Variants in CCSER1 observed in about 807,000 individuals in gnomAD.
The protein encoded by CCSER1 is serine-rich coiled-coil domain-containing protein 1.
A neutral mutation model predicts 82.0 loss-of-function variants in CCSER1; 41 were observed. The ratio of observed to expected loss-of-function variants is 0.50; its 90% confidence interval spans 0.39 to 0.65. The LOEUF (loss-of-function observed/expected upper bound fraction) is 0.65, where lower values mean the gene tolerates loss of function less well. CCSER1 is among the 30% of genes least tolerant of loss of function. The pLI is 0.00. For missense variants in CCSER1, 1,119 were observed against 1,064.2 expected, an observed-to-expected ratio of 1.05 and a Z score of -0.72; for synonymous variants, 414 against 383.9, an observed-to-expected ratio of 1.08 and a Z score of -0.92.
chr4:90,512,188 G>GCAATATAGGCTTTTCTTTCCCAAA (rs1195139812), intron 5 of CCSER1, among the ~76,000 whole-genome samples: 4 of 151,824 alleles, frequency 2.6e-5, no homozygotes, highest in Non-Finnish European at 4.4e-5. Context: ...GAATGGAGAT[G>GCAATATAGGCTTTTCTTTCCCAAA]CAATATAGGC....
At chr4:90,333,772 G>A (rs1208105016) in intron 3 of CCSER1, among the ~76,000 whole-genome samples, 2 of 152,160 alleles carry the variant, frequency 1.3e-5, no homozygotes, top group East Asian at 1.9e-4. Flanking sequence ...GGTTCAAAGA[G>A]CATTTGATTA....
At chr4:90,628,779 T>C (rs1424022968) in intron 6 of CCSER1, among the ~76,000 whole-genome samples, 1 of 152,088 alleles carries the variant, frequency 6.6e-6, no homozygotes. Flanking sequence ...GTCAGGAAAA[T>C]GCATAATGAG....
intron 10 of CCSER1, among the ~76,000 whole-genome samples, chr4:91,356,206 T>A (rs1421101112): frequency 4.6e-5 from 7 of 152,362 alleles, no homozygotes; most frequent in South Asian, 2.1e-4. Context: ...ACAGTCTGGG[T>A]TAAAACTCCA....
intron 10 of CCSER1, among the ~76,000 whole-genome samples, chr4:91,398,143 G>A (rs1288077844): frequency 6.6e-6 from 1 of 151,876 alleles, no homozygotes. Flanking sequence ...TCAGATGTAT[G>A]TCTATAAGTG....
At position 90,309,429 on chromosome 4, in the gene CCSER1, G is replaced by A. The variant is rs1008755442; in HGVS notation, c.1145G>A (p.Gly382Asp). Residue 382 changes from glycine (G) to aspartate (D), a missense_variant, in exon 2 of 11, where the codon GGT becomes GAT. Gly to Asp is a moderately conservative substitution (Grantham distance 94). Coordinates refer to ENST00000509176, the MANE Select transcript of CCSER1 (RefSeq NM_001145065.2). ...GAAGAAAATATAGGGTTACAAAATGGTGAAACAATGCTGGGGACAAACTCC... is the reference window on the plus strand; with the variant it reads ...GAAGAAAATATAGGGTTACAAAATGATGAAACAATGCTGGGGACAAACTCC... ...EREENIGLQN[G>D]ETMLGTNSPR... 6.2e-7 allele frequency: 1 copy of A among 1,613,660 alleles called. No homozygotes were observed. The highest frequency in any genetic ancestry group is 1.7e-5 in the Admixed American group (1 of 59,970).
At chr4:90,810,925 C>T (rs552743854) in intron 7 of CCSER1, among the ~76,000 whole-genome samples, 3 of 150,832 alleles carry the variant, frequency 2.0e-5, no homozygotes, top group Non-Finnish European at 3.0e-5. Context: ...GCCCGCCTCC[C>T]GGGTTCACGC....
intron 10 of CCSER1, among the ~76,000 whole-genome samples, chr4:91,557,913 CA>C (rs1762477817): frequency 6.6e-6 from 1 of 151,120 alleles, no homozygotes; most frequent in Non-Finnish European, 1.5e-5. Context: ...TAAGCATTTA[CA>C]TATTTATTTA....
chr4:91,476,391 T>A (rs188103345), intron 10 of CCSER1, among the ~76,000 whole-genome samples: 1 of 151,882 alleles, frequency 6.6e-6, no homozygotes, highest in East Asian at 1.9e-4. Flanking sequence ...TGATTAGTGA[T>A]GTTGAGCATT....
intron 10 of CCSER1, among the ~76,000 whole-genome samples, chr4:91,550,436 A>G (rs935192711): frequency 6.6e-6 from 1 of 152,136 alleles, no homozygotes; most frequent in South Asian, 2.1e-4. Flanking sequence ...TTCTGCTCTG[A>G]TAAGTTGTGG....
intron 5 of CCSER1, among the ~76,000 whole-genome samples, chr4:90,611,059 C>CTTTTCTTTTTTTTTTTTTTTT (rs1303751301): frequency 5.3e-5 from 5 of 93,822 alleles, no homozygotes; most frequent in South Asian, 4.0e-4. Flanking sequence ...CTTTTCTTTT[C>CTTTTCTTTTTTTTTTTTTTTT]TTTTTTTTTT....
chr4:91,551,273 A>G (rs1455905295), intron 10 of CCSER1, among the ~76,000 whole-genome samples: 1 of 152,156 alleles, frequency 6.6e-6, no homozygotes, highest in Non-Finnish European at 1.5e-5. Context: ...TTTGCTATAC[A>G]GTGCCTTTAT....
chr4:90,955,613 C>T (rs1319611135), intron 9 of CCSER1, among the ~76,000 whole-genome samples: 2 of 152,122 alleles, frequency 1.3e-5, no homozygotes, highest in Non-Finnish European at 2.9e-5. Flanking sequence ...AGCATTTAAT[C>T]ACACTTAAAA....
intron 7 of CCSER1, among the ~76,000 whole-genome samples, chr4:90,762,595 A>T (rs2149525082): frequency 6.6e-6 from 1 of 152,260 alleles, no homozygotes. Context: ...TTACAAATAA[A>T]ACTTTGATTA....
chr4:90,473,373 T>G (rs1392937601), intron 5 of CCSER1, among the ~76,000 whole-genome samples: 1 of 152,190 alleles, frequency 6.6e-6, no homozygotes, highest in Non-Finnish European at 1.5e-5. Context: ...CATTTTTATA[T>G]TATTTTATAT....
chr4:91,168,797 G>T (rs1732444078), intron 10 of CCSER1, among the ~76,000 whole-genome samples: 1 of 152,074 alleles, frequency 6.6e-6, no homozygotes, highest in Non-Finnish European at 1.5e-5. Context: ...AGATCAGATT[G>T]TTACTGTGTC....
At chr4:91,057,185 A>G (rs1196887719) in intron 9 of CCSER1, among the ~76,000 whole-genome samples, 2 of 152,160 alleles carry the variant, frequency 1.3e-5, no homozygotes, top group Non-Finnish European at 1.5e-5. Context: ...CCAGGAACAC[A>G]TGCATAGCTG....
At chr4:90,645,310 A>G (rs969362247) in intron 6 of CCSER1, among the ~76,000 whole-genome samples, 1 of 152,188 alleles carries the variant, frequency 6.6e-6, no homozygotes, top group Admixed American at 6.5e-5. Context: ...AGAAATATTC[A>G]AAAATGTTCG....
intron 4 of CCSER1, among the ~76,000 whole-genome samples, chr4:90,448,823 C>T (rs1761054409): frequency 6.6e-6 from 1 of 152,026 alleles, no homozygotes. Context: ...CTCATGTTTA[C>T]AACAAGGTGA....
intron 10 of CCSER1, among the ~76,000 whole-genome samples, chr4:91,292,289 A>G (rs1474894155): frequency 6.6e-6 from 1 of 151,984 alleles, no homozygotes; most frequent in Non-Finnish European, 1.5e-5. Flanking sequence ...ATCAAACAAA[A>G]TTCATGAATA....
Sources: allele counts gnomAD v4.1 joint callset (sites outside exome capture counted in the v4.1 genomes callset), GRCh38; gene constraint gnomAD v4.1.1; transcripts MANE v1.5; gene names NCBI Gene and HGNC (gene_info 2026-07-23, HGNC 2026-07-21).